Variants in NEGR1 observed in about 807,000 individuals in gnomAD.
The protein encoded by NEGR1 is IgLON family member 4.
NEGR1 carries 10 observed loss-of-function variants against 40.9 expected under a neutral mutation model. The ratio of observed to expected loss-of-function variants is 0.24; its 90% CI spans 0.15 to 0.42. NEGR1 has a LOEUF of 0.42. NEGR1 is among the 10% of genes least tolerant of loss of function. NEGR1 has a pLI of 1.00. For missense variants in NEGR1, 352 were observed against 438.9 expected (o/e 0.80, Z 1.77); for synonymous variants, 185 against 166.8 (o/e 1.11, Z -0.84).
At chr1:71,587,487 G>T (rs143808602) in intron 6 of NEGR1, among the ~76,000 whole-genome samples, 1 of 152,158 alleles carries the variant, frequency 6.6e-6, no homozygotes, top group East Asian at 1.9e-4. Flanking sequence ...AAGTTAAAAA[G>T]CCCTGACTGC....
chr1:71,973,262 G>A (rs1646273319), intron 1 of NEGR1, among the ~76,000 whole-genome samples: 1 of 150,674 alleles, frequency 6.6e-6, no homozygotes, highest in Non-Finnish European at 1.5e-5. Flanking sequence ...CTTGCAGTGA[G>A]CCGAGATCGC....
At chr1:71,695,418 G>A (rs1413111320) in intron 4 of NEGR1, among the ~76,000 whole-genome samples, 1 of 151,666 alleles carries the variant, frequency 6.6e-6, no homozygotes, top group African/African-American at 2.4e-5. Flanking sequence ...GCAGCAATAT[G>A]TCGACTTATA....
intron 4 of NEGR1, among the ~76,000 whole-genome samples, chr1:71,619,316 A>G (rs1358895588): frequency 6.6e-6 from 1 of 152,048 alleles, no homozygotes; most frequent in Non-Finnish European, 1.5e-5. Context: ...TTCTCTTACT[A>G]CTACACTCCC....
intron 2 of NEGR1, among the ~76,000 whole-genome samples, chr1:71,928,352 A>ATG (rs1645812900): frequency 1.1e-4 from 8 of 74,502 alleles, no homozygotes; most frequent in Admixed American, 9.6e-4. Flanking sequence ...ACACATGTGT[A>ATG]TATATATATA....
At chr1:72,149,855 T>C (rs1298597464) in intron 1 of NEGR1, among the ~76,000 whole-genome samples, 1 of 113,494 alleles carries the variant, frequency 8.8e-6, no homozygotes, top group African/African-American at 3.7e-5. Flanking sequence ...CACTCCAGCC[T>C]GGGCAACAAG....
At chr1:71,669,473 G>T (rs909153021) in intron 4 of NEGR1, among the ~76,000 whole-genome samples, 2 of 151,396 alleles carry the variant, frequency 1.3e-5, no homozygotes, top group African/African-American at 2.4e-5. Flanking sequence ...AACTTTTTTA[G>T]TTTAGAATAT....
At chr1:71,607,568 A>C (rs2101538484) in intron 5 of NEGR1, among the ~76,000 whole-genome samples, 1 of 152,384 alleles carries the variant, frequency 6.6e-6, no homozygotes, top group East Asian at 1.9e-4. Flanking sequence ...GTAAAAGTTG[A>C]GAATAATAAT....
At chr1:71,426,049 T>G (rs1222334560) in intron 6 of NEGR1, among the ~76,000 whole-genome samples, 1 of 152,186 alleles carries the variant, frequency 6.6e-6, no homozygotes, top group Non-Finnish European at 1.5e-5. Context: ...AGTACCTACA[T>G]ACATATATGC....
intron 1 of NEGR1, among the ~76,000 whole-genome samples, chr1:72,212,606 C>T (rs1653651730): frequency 6.6e-6 from 1 of 151,910 alleles, no homozygotes; most frequent in South Asian, 2.1e-4. Context: ...TTTAATTGTT[C>T]ATAAACTATT....
At chr1:71,567,571 T>C (rs1648657840) in intron 6 of NEGR1, among the ~76,000 whole-genome samples, 1 of 152,206 alleles carries the variant, frequency 6.6e-6, no homozygotes, top group Non-Finnish European at 1.5e-5. Context: ...GCCTTTGCTC[T>C]GCTATTGCCT....
intron 1 of NEGR1, among the ~76,000 whole-genome samples, chr1:72,234,621 C>A (rs1654489608): frequency 6.6e-6 from 1 of 151,864 alleles, no homozygotes; most frequent in African/African-American, 2.4e-5. Context: ...TGGGCAAAGG[C>A]AAAGGACATG....
At chr1:71,571,341 A>G (rs1648801821) in intron 6 of NEGR1, among the ~76,000 whole-genome samples, 1 of 152,218 alleles carries the variant, frequency 6.6e-6, no homozygotes, top group African/African-American at 2.4e-5. Context: ...CTGAAGCACA[A>G]GTACATCTAT....
intron 1 of NEGR1, among the ~76,000 whole-genome samples, chr1:71,979,499 T>A (rs1646336341): frequency 6.6e-6 from 1 of 152,136 alleles, no homozygotes; most frequent in Non-Finnish European, 1.5e-5. Context: ...TATAAAAGCA[T>A]TTTGAAACTT....
At chr1:71,431,612 A>G (rs1646470274) in intron 6 of NEGR1, among the ~76,000 whole-genome samples, 1 of 151,116 alleles carries the variant, frequency 6.6e-6, no homozygotes, top group Admixed American at 6.6e-5. Context: ...TATTAAATAT[A>G]ATGTATACTG....
At chr1:72,077,598 T>C (rs1023722748) in intron 1 of NEGR1, among the ~76,000 whole-genome samples, 1 of 151,746 alleles carries the variant, frequency 6.6e-6, no homozygotes, top group African/African-American at 2.4e-5. Context: ...GAGACCAGGC[T>C]GGGCAACACA....
chr1:71,886,073 T>C (rs1660714829), intron 2 of NEGR1, among the ~76,000 whole-genome samples: 1 of 152,136 alleles, frequency 6.6e-6, no homozygotes, highest in Admixed American at 6.5e-5. Context: ...CTATCAACCA[T>C]TAATAGTCCT....
intron 6 of NEGR1, among the ~76,000 whole-genome samples, chr1:71,495,783 G>T (rs1646959114): frequency 6.6e-6 from 1 of 152,120 alleles, no homozygotes; most frequent in South Asian, 2.1e-4. Flanking sequence ...AGAAAGAGAG[G>T]ATGGTAGTGA....
intron 1 of NEGR1, among the ~76,000 whole-genome samples, chr1:72,127,030 C>A (rs1293347618): frequency 6.6e-6 from 1 of 152,148 alleles, no homozygotes; most frequent in Non-Finnish European, 1.5e-5. Flanking sequence ...TTAGAACATT[C>A]TTGAAAATAT....
At chr1:72,015,991 T>C (rs1646706369) in intron 1 of NEGR1, among the ~76,000 whole-genome samples, 1 of 152,144 alleles carries the variant, frequency 6.6e-6, no homozygotes, top group South Asian at 2.1e-4. Flanking sequence ...AGAGCAAAAA[T>C]AGTGTAGTGA....
Sources: allele counts gnomAD v4.1 joint callset (sites outside exome capture counted in the v4.1 genomes callset), GRCh38; gene constraint gnomAD v4.1.1; transcripts MANE v1.5; gene names NCBI Gene and HGNC (gene_info 2026-07-23, HGNC 2026-07-21).